The following SNX29 variants were observed in gnomAD, a reference collection of about 807,000 sequenced individuals.
The protein encoded by SNX29 is sorting nexin 29.
Under a neutral mutation model 102.1 loss-of-function variants are expected in SNX29, and 78 were observed. The observed-to-expected ratio is 0.76, with a 90% CI of 0.64 to 0.92. The LOEUF (loss-of-function observed/expected upper bound fraction) is 0.92, where lower values mean the gene tolerates loss of function less well. SNX29 is among the 40% of genes least tolerant of loss of function. The probability of loss-of-function intolerance (pLI) is 0.00; values close to 1 mark genes in which losing one functional copy is unlikely to be tolerated. For synonymous variants in SNX29, 580 were observed against 414.5 expected (o/e 1.40, Z -4.85); for missense variants, 1,280 against 1,061.7 (o/e 1.21, Z -2.86).
chr16:12,568,865 CCT>C lies in SNX29; in HGVS notation c.*237_*238del. 3.3e-6 allele frequency: 2 copies of C among 610,988 alleles called. No homozygotes were observed. Among genetic ancestry groups the C allele is most frequent in the Non-Finnish European group, 2.7e-6 (1 of 364,244 alleles). 37.8% of individuals were successfully genotyped at this position (610,988 alleles called of 1,614,324 possible). On this transcript the variant is annotated 3_prime_UTR_variant, in exon 21 of 21. Transcript: ENST00000566228. ...CGCTGGAGAGACTGGGACACACAGT[CCT>C]TCTGCTTCTGGGGTCTACCCTGGGC...
intron 4 of SNX29, among the ~76,000 whole-genome samples, chr16:12,041,675 T>C (rs2049885238): frequency 6.6e-6 from 1 of 152,180 alleles, no homozygotes; most frequent in South Asian, 2.1e-4. Flanking sequence ...GGCCACATCA[T>C]GTCCTCCTCT....
chr16:12,162,307 A>G (rs1362643892), intron 13 of SNX29, among the ~76,000 whole-genome samples: 3 of 152,190 alleles, frequency 2.0e-5, no homozygotes, highest in South Asian at 2.1e-4. Context: ...CATTTTCTTT[A>G]TATCACTTTG....
chr16:12,247,475 T>C (rs1172564040), intron 14 of SNX29, among the ~76,000 whole-genome samples: 1 of 152,176 alleles, frequency 6.6e-6, no homozygotes, highest in East Asian at 1.9e-4. Context: ...TTACAGCAGC[T>C]CCTCTTCCAG....
chr16:12,010,558 C>T (rs562023253), intron 3 of SNX29, among the ~76,000 whole-genome samples: 3 of 152,156 alleles, frequency 2.0e-5, no homozygotes, highest in South Asian at 2.1e-4. Flanking sequence ...CCTAGGAGGT[C>T]GAGGCTGCAG....
chr16:12,536,853 G>C (rs932269575), intron 20 of SNX29, among the ~76,000 whole-genome samples: 2 of 152,162 alleles, frequency 1.3e-5, no homozygotes, highest in African/African-American at 4.8e-5. Context: ...GTGCACACCT[G>C]TAATTGTAGC....
intron 20 of SNX29, among the ~76,000 whole-genome samples, chr16:12,537,182 C>T (rs2141214884): frequency 6.6e-6 from 1 of 152,220 alleles, no homozygotes; most frequent in South Asian, 2.1e-4. Flanking sequence ...GATGCCATCC[C>T]CCTGGCCAGC....
intron 14 of SNX29, among the ~76,000 whole-genome samples, chr16:12,247,083 A>C (rs940052031): frequency 6.6e-6 from 1 of 152,208 alleles, no homozygotes; most frequent in Non-Finnish European, 1.5e-5. Context: ...AAACCTTTGA[A>C]GAGTCCTAAA....
At chr16:12,320,010 G>A (rs185438975) in intron 15 of SNX29, among the ~76,000 whole-genome samples, 56 of 152,282 alleles carry the variant, frequency 3.7e-4, no homozygotes, top group Middle Eastern at 3.4e-3. Flanking sequence ...GCTGGACGTG[G>A]CTGCATCTCG....
chr16:12,344,110 A>T (rs2081700588), intron 15 of SNX29, among the ~76,000 whole-genome samples: 1 of 152,164 alleles, frequency 6.6e-6, no homozygotes, highest in Non-Finnish European at 1.5e-5. Flanking sequence ...GCCGCCATAT[A>T]AGACATGCCT....
intron 1 of SNX29, 45 bp downstream of exon 1, chr16:11,976,858 C>A: frequency 7.5e-7 from 1 of 1,328,762 alleles, no homozygotes; most frequent in Non-Finnish European, 9.6e-7. Flanking sequence ...GCCGCCCCGG[C>A]TCCCGCCGCT....
chr16:12,550,243 A>G (rs910831657), intron 20 of SNX29, among the ~76,000 whole-genome samples: 1 of 152,214 alleles, frequency 6.6e-6, no homozygotes, highest in Non-Finnish European at 1.5e-5. Context: ...AATTTTAGAA[A>G]TAGCAAATAT....
chr16:12,118,300 A>C (rs1288713181), intron 11 of SNX29, among the ~76,000 whole-genome samples: 2 of 135,492 alleles, frequency 1.5e-5, no homozygotes, highest in Non-Finnish European at 3.1e-5. Context: ...TAGATAGTAG[A>C]TATACAGACC....
At chr16:12,334,203 A>C (rs1033726245) in intron 15 of SNX29, among the ~76,000 whole-genome samples, 1 of 152,310 alleles carries the variant, frequency 6.6e-6, no homozygotes, top group East Asian at 1.9e-4. Flanking sequence ...AAACCTAAGC[A>C]GTCTGGAGAT....
At chr16:12,326,057 A>C (rs2151193549) in intron 15 of SNX29, among the ~76,000 whole-genome samples, 1 of 150,816 alleles carries the variant, frequency 6.6e-6, no homozygotes, top group East Asian at 2.0e-4. Flanking sequence ...ATGGAGCCTC[A>C]CTCTGGTGCC....
At chr16:12,299,987 C>T (rs922813710) in intron 15 of SNX29, among the ~76,000 whole-genome samples, 5 of 151,724 alleles carry the variant, frequency 3.3e-5, no homozygotes, top group African/African-American at 1.2e-4. Flanking sequence ...TCTCCTGCCT[C>T]AGCCTCCTGA....
At chr16:12,302,042 A>C (rs915404394) in intron 15 of SNX29, among the ~76,000 whole-genome samples, 1 of 152,224 alleles carries the variant, frequency 6.6e-6, no homozygotes, top group South Asian at 2.1e-4. Context: ...TCAATTCACA[A>C]TGAAGGAAAT....
intron 17 of SNX29, among the ~76,000 whole-genome samples, chr16:12,401,353 A>C (rs1300679745): frequency 6.9e-6 from 1 of 144,744 alleles, no homozygotes; most frequent in African/African-American, 2.5e-5. Flanking sequence ...ACCACAATAG[A>C]GTTAAATTTT....
intron 19 of SNX29, among the ~76,000 whole-genome samples, chr16:12,511,346 C>G (rs1247423862): frequency 6.6e-6 from 1 of 152,202 alleles, no homozygotes; most frequent in Non-Finnish European, 1.5e-5. Flanking sequence ...CACTGAATCT[C>G]TTGGAGCCTC....
At chr16:12,264,289 G>C (rs945250229) in intron 14 of SNX29, among the ~76,000 whole-genome samples, 1 of 152,188 alleles carries the variant, frequency 6.6e-6, no homozygotes, top group African/African-American at 2.4e-5. Flanking sequence ...CATTGAGGCA[G>C]TTCTGTGAAA....
Sources: allele counts gnomAD v4.1 joint callset (sites outside exome capture counted in the v4.1 genomes callset), GRCh38; gene constraint gnomAD v4.1.1; transcripts MANE v1.5; gene names NCBI Gene and HGNC (gene_info 2026-07-23, HGNC 2026-07-21).